CSRP2: variants seen among roughly 807,000 people sequenced by gnomAD.
The protein encoded by CSRP2 is cysteine and glycine-rich protein 2.
Under a neutral mutation model 24.6 loss-of-function variants are expected in CSRP2, and 18 were observed. The ratio of observed to expected loss-of-function variants is 0.73; its 90% confidence interval spans 0.51 to 1.09. The LOEUF (loss-of-function observed/expected upper bound fraction) is 1.09, where lower values mean the gene tolerates loss of function less well. CSRP2 is among the 50% of genes least tolerant of loss of function. The pLI, the probability that CSRP2 is intolerant of heterozygous loss-of-function variation, is 0.00. For synonymous variants in CSRP2, 87 were observed against 84.3 expected (o/e 1.03, Z -0.18); for missense variants, 215 against 239.4 (o/e 0.90, Z 0.67).
chr12:76,871,934 C>G (rs938807661), intron 1 of CSRP2, among the ~76,000 whole-genome samples: 1 of 151,188 alleles, frequency 6.6e-6, no homozygotes, highest in Non-Finnish European at 1.5e-5. Flanking sequence ...ATTTTTCTTA[C>G]AAGCCTTTGG....
chr12:76,866,344 G>T (rs79414552), intron 1 of CSRP2, 83 bp from the exon 2 acceptor site: 13,232 of 1,025,654 alleles, frequency 0.013, 132 homozygotes, highest in Non-Finnish European at 0.015. Flanking sequence ...AGGGACAGCT[G>T]CAGATTTTCG....
intron 3 of CSRP2, chr12:76,862,583 TAA>T (rs1953693326): frequency 4.3e-6 from 2 of 461,586 alleles, no homozygotes; most frequent in Non-Finnish European, 6.7e-6. Context: ...TCTAAACAAA[TAA>T]GTTATTTAAC....
chr12:76,872,971 A>C (rs976233213), intron 1 of CSRP2, among the ~76,000 whole-genome samples: 1 of 152,238 alleles, frequency 6.6e-6, no homozygotes, highest in Admixed American at 6.5e-5. Context: ...GGCCATTCTC[A>C]TACCATTAGT....
At chr12:76,873,118 G>C (rs73129323) in intron 1 of CSRP2, among the ~76,000 whole-genome samples, 4 of 152,080 alleles carry the variant, frequency 2.6e-5, no homozygotes, top group African/African-American at 9.7e-5. Context: ...TTCTATATTT[G>C]CCCAGATTCT....
At chr12:76,866,692 A>G (rs12822347) in intron 1 of CSRP2, among the ~76,000 whole-genome samples, 4 of 152,332 alleles carry the variant, frequency 2.6e-5, no homozygotes, top group Admixed American at 2.0e-4. Context: ...GGTTTTCATT[A>G]CATGTTTAAT....
chr12:76,877,476 G>GGGGATCCCCTATAATCACAACCTTA (rs1953863435), intron 1 of CSRP2, among the ~76,000 whole-genome samples: 2 of 152,184 alleles, frequency 1.3e-5, no homozygotes, highest in African/African-American at 4.8e-5. Flanking sequence ...TTATATTTTT[G>GGGGATCCCCTATAATCACAACCTTA]TTCCCTATAA....
At chr12:76,872,149 AG>A (rs1417441607) in intron 1 of CSRP2, among the ~76,000 whole-genome samples, 1 of 152,206 alleles carries the variant, frequency 6.6e-6, no homozygotes, top group East Asian at 1.9e-4. Context: ...AAAGAGTTCC[AG>A]CACTAGGATT....
intron 2 of CSRP2, chr12:76,863,705 GT>G: frequency 5.8e-6 from 1 of 173,178 alleles, no homozygotes; most frequent in Non-Finnish European, 1.2e-5. Flanking sequence ...AGGGAGAAAA[GT>G]TTCAAAGGTG....
chr12:76,862,636 C>A, intron 3 of CSRP2: 1 of 867,784 alleles, frequency 1.2e-6, no homozygotes. Context: ...AAATTTAGCA[C>A]CTTGATACGT....
chr12:76,865,321 G>A (rs1243261010), intron 2 of CSRP2, among the ~76,000 whole-genome samples: 5 of 152,142 alleles, frequency 3.3e-5, no homozygotes, highest in Non-Finnish European at 7.4e-5. Flanking sequence ...TAAAAGCAAT[G>A]GTTAAACCAA....
At chr12:76,874,768 C>T (rs1953837361) in intron 1 of CSRP2, among the ~76,000 whole-genome samples, 2 of 152,148 alleles carry the variant, frequency 1.3e-5, no homozygotes, top group Admixed American at 6.5e-5. Flanking sequence ...GCATTAGATT[C>T]TCATAGGAGC....
intron 1 of CSRP2, among the ~76,000 whole-genome samples, chr12:76,871,476 G>C (rs1241274850): frequency 6.6e-6 from 1 of 152,192 alleles, no homozygotes; most frequent in Non-Finnish European, 1.5e-5. Flanking sequence ...GACTGTCTAA[G>C]AAACAAAGTT....
chr12:76,877,089 TA>T (rs1252945331), intron 1 of CSRP2, among the ~76,000 whole-genome samples: 2 of 152,208 alleles, frequency 1.3e-5, no homozygotes, highest in Non-Finnish European at 2.9e-5. Flanking sequence ...TCCTCTCCCA[TA>T]GGGGGCTCCC....
chr12:76,863,080 C>G, intron 3 of CSRP2, 96 bp downstream of exon 3: 2 of 1,495,052 alleles, frequency 1.3e-6, no homozygotes, highest in Non-Finnish European at 1.8e-6. Context: ...TGCTTAGTTT[C>G]AACTAAAAAT....
At position 76,860,350 on chromosome 12, in the gene CSRP2, A is replaced by G; in HGVS notation, c.345T>C (p.Gly115=). 6.2e-7 allele frequency: 1 copy of G among 1,614,084 alleles called. No homozygotes were observed. Among genetic ancestry groups the G allele is most frequent in the South Asian group, 1.1e-5 (1 of 91,074 alleles). The change falls in exon 4 of 6, where the codon GGT becomes GGC. Residue 115 remains glycine (G), a synonymous_variant. Coordinates refer to ENST00000311083, the MANE Select transcript of CSRP2 (RefSeq NM_001321.3). ...NTSKFAQKYG[G]AEKCSRCGDS... ...CCCCACATCTGGAACACTTCTCAGC[A>G]CCTCCATATTTCTGAGCAAATTTAG...
At chr12:76,865,913 AG>A in intron 2 of CSRP2, 1 of 526,296 alleles carries the variant, frequency 1.9e-6, no homozygotes, top group Non-Finnish European at 3.4e-6. Flanking sequence ...AACAAAATAA[AG>A]GCCAAAATGG....
At chr12:76,866,316 A>G in intron 1 of CSRP2, 55 bp from the exon 2 acceptor site, 3 of 1,414,930 alleles carry the variant, frequency 2.1e-6, no homozygotes, top group Non-Finnish European at 3.0e-6. Flanking sequence ...ACGGCTCCCT[A>G]GAGGGCTATT....
At chr12:76,862,500 C>A in intron 3 of CSRP2, 1 of 175,282 alleles carries the variant, frequency 5.7e-6, no homozygotes. Context: ...GAGATTGTGC[C>A]AGTGCACTCC....
rs541728106 is a variant in CSRP2 at position 76,866,380 on chromosome 12, A to G, written c.-1-119T>C. 4 of 640,598 alleles carry G rather than the reference A, an allele frequency of 6.2e-6. No individual in the cohort carries two copies. The South Asian group carries it at 8.0e-5, about 13-fold the overall frequency. 39.7% of individuals were successfully genotyped at this position (640,598 alleles called of 1,614,324 possible). ...TTTCTTTATGAACCTCTCTAACCAC[A>G]TCTTTCAAAGGCCTGCGTTCCTCCA... On this transcript the variant is annotated intron_variant, in intron 1 of 5. Coordinates refer to ENST00000311083, the MANE Select transcript of CSRP2 (RefSeq NM_001321.3).
Sources: allele counts gnomAD v4.1 joint callset (sites outside exome capture counted in the v4.1 genomes callset), GRCh38; gene constraint gnomAD v4.1.1; transcripts MANE v1.5; gene names NCBI Gene and HGNC (gene_info 2026-07-23, HGNC 2026-07-21).